Variants in TMEM132C observed in about 807,000 individuals in gnomAD.
TMEM132C encodes the protein protein phosphatase 1, regulatory subunit 152.
TMEM132C carries 29 observed loss-of-function variants against 61.4 expected under a neutral mutation model. The ratio of observed to expected loss-of-function variants is 0.47; its 90% CI spans 0.35 to 0.64. TMEM132C has a LOEUF of 0.64. TMEM132C is among the 30% of genes least tolerant of loss of function. The probability of loss-of-function intolerance (pLI) is 0.00; values close to 1 mark genes in which losing one functional copy is unlikely to be tolerated. For synonymous variants in TMEM132C, 656 were observed against 633.1 expected (o/e 1.04, Z -0.54); for missense variants, 1,408 against 1,476.9 (o/e 0.95, Z 0.76).
chr12:128,686,666 C>G lies in TMEM132C; in HGVS notation c.1450-7163C>G, dbSNP rs570494759. Among the ~76,000 whole-genome samples the G allele has an allele frequency of 4.5e-4, 69 of 152,304 alleles. No individual in the cohort carries two copies. The Middle Eastern group carries it at 0.01, about 23-fold the overall frequency. ...ACCAGTTTGCAAGCTCTGATTCATT[C>G]ATTCATTCTTCAACACGTACTTATT... On this transcript the variant is annotated intron_variant, in intron 5 of 8. Transcript: ENST00000435159.
At chr12:128,280,215 C>T (rs138766900) in intron 1 of TMEM132C, among the ~76,000 whole-genome samples, 13 of 152,300 alleles carry the variant, frequency 8.5e-5, no homozygotes, top group South Asian at 4.1e-4. Flanking sequence ...CTCCGTCAGT[C>T]GCTCCAGGGA....
At chr12:128,510,159 G>A (rs928417751) in intron 2 of TMEM132C, among the ~76,000 whole-genome samples, 1 of 152,104 alleles carries the variant, frequency 6.6e-6, no homozygotes, top group Non-Finnish European at 1.5e-5. Context: ...CGGGGACCTG[G>A]GTTTGCTTTC....
chr12:128,528,583 C>T (rs945908924), intron 2 of TMEM132C, among the ~76,000 whole-genome samples: 2 of 152,064 alleles, frequency 1.3e-5, no homozygotes, highest in South Asian at 2.1e-4. Context: ...CAGTACTGTC[C>T]GTATCTGGGG....
At position 128,595,709 on chromosome 12, in the gene TMEM132C, G is replaced by A. The variant is rs574805646; in HGVS notation, c.1122-20443G>A. On this transcript the variant is annotated intron_variant, in intron 3 of 8. Coordinates refer to ENST00000435159, the MANE Select transcript of TMEM132C (RefSeq NM_001136103.3). Reference sequence around the variant, plus strand: ...GCAGAGGGGTCAGCCAGCATCACCCGTGGCACTGACAAATGCAGCCCTTTT... The same window carrying A: ...GCAGAGGGGTCAGCCAGCATCACCCATGGCACTGACAAATGCAGCCCTTTT... Among the ~76,000 whole-genome samples the A allele has an allele frequency of 2.2e-4, 34 of 152,294 alleles. No individual in the cohort carries two copies. In the South Asian group the frequency reaches 4.4e-3, roughly 19 times the overall value.
At chr12:128,354,859 G>A (rs554130837) in intron 1 of TMEM132C, among the ~76,000 whole-genome samples, 1 of 152,264 alleles carries the variant, frequency 6.6e-6, no homozygotes, top group South Asian at 2.1e-4. Flanking sequence ...ATCACCCCCT[G>A]TTCCACAGAC....
chr12:128,462,153 T>G (rs528092582), intron 2 of TMEM132C, among the ~76,000 whole-genome samples: 3 of 152,320 alleles, frequency 2.0e-5, no homozygotes, highest in Admixed American at 6.5e-5. Flanking sequence ...TCACCCAGGC[T>G]GGAGTGCAGT....
chr12:128,432,891 C>T (rs1869440129), intron 2 of TMEM132C, among the ~76,000 whole-genome samples: 1 of 151,998 alleles, frequency 6.6e-6, no homozygotes, highest in South Asian at 2.1e-4. Context: ...TTCAGCAAGC[C>T]TCATTGTTGT....
chr12:128,593,512 G>C (rs149593183), intron 3 of TMEM132C, among the ~76,000 whole-genome samples: 1 of 152,210 alleles, frequency 6.6e-6, no homozygotes, highest in African/African-American at 2.4e-5. Context: ...TGGAGCTCAG[G>C]CTTTGACCTG....
At chr12:128,346,693 C>G (rs1873169283) in intron 1 of TMEM132C, among the ~76,000 whole-genome samples, 1 of 152,022 alleles carries the variant, frequency 6.6e-6, no homozygotes, top group South Asian at 2.1e-4. Flanking sequence ...TGATTTGGCT[C>G]TTGTCTTGAC....
At chr12:128,426,994 C>G (rs1359540436) in intron 2 of TMEM132C, among the ~76,000 whole-genome samples, 2 of 152,126 alleles carry the variant, frequency 1.3e-5, no homozygotes, top group Non-Finnish European at 2.9e-5. Context: ...CCCTTTCTAT[C>G]TAAAAATTTG....
At position 128,415,768 on chromosome 12, in the gene TMEM132C, C is replaced by T; in HGVS notation, c.974+148C>T. ...TAACAGGGGAAGGCAAATTATGCAC[C>T]TGCCCACATGCTCTCAACAGCCCTC... On this transcript the variant is annotated intron_variant, in intron 2 of 8. Coordinates refer to ENST00000435159, the MANE Select transcript of TMEM132C (RefSeq NM_001136103.3). This position sits in a 1 kb window ranked among gnomAD's most constrained non-coding sequence, Gnocchi z 5.8. 1 of 900,862 alleles carries T rather than the reference C, an allele frequency of 1.1e-6. No individual in the cohort carries two copies. Among genetic ancestry groups the T allele is most frequent in the Non-Finnish European group, 1.6e-6 (1 of 614,190 alleles). 55.8% of individuals were successfully genotyped at this position (900,862 alleles called of 1,614,324 possible). A position where few individuals can be genotyped will look rare whatever the true frequency, so the allele number is the denominator to read the frequency against.
At chr12:128,335,233 G>A (rs1872763359) in intron 1 of TMEM132C, among the ~76,000 whole-genome samples, 1 of 152,132 alleles carries the variant, frequency 6.6e-6, no homozygotes, top group Admixed American at 6.5e-5. Context: ...ATTGCGATAG[G>A]GGATAGATTT....
intron 1 of TMEM132C, among the ~76,000 whole-genome samples, chr12:128,282,704 A>C (rs1316676864): frequency 6.6e-6 from 1 of 152,230 alleles, no homozygotes; most frequent in African/African-American, 2.4e-5. Flanking sequence ...TGCACATTGC[A>C]GTTAGTTGTC....
intron 2 of TMEM132C, among the ~76,000 whole-genome samples, chr12:128,509,621 G>C (rs1872506908): frequency 2.6e-5 from 4 of 152,186 alleles, no homozygotes; most frequent in Admixed American, 1.3e-4. Flanking sequence ...TCCACAGGGA[G>C]CCCTCTGAGA....
intron 3 of TMEM132C, among the ~76,000 whole-genome samples, chr12:128,576,524 A>G (rs928863485): frequency 6.6e-6 from 1 of 152,206 alleles, no homozygotes; most frequent in Non-Finnish European, 1.5e-5. Context: ...TTTCCCTTGG[A>G]TCAGTAACTA....
chr12:128,474,488 A>G (rs1871090145), intron 2 of TMEM132C, among the ~76,000 whole-genome samples: 2 of 152,236 alleles, frequency 1.3e-5, no homozygotes, highest in African/African-American at 2.4e-5. Context: ...CAAATGCCAG[A>G]TGGGGCAGCT....
chr12:128,347,397 G>GTC (rs55729184), intron 1 of TMEM132C, among the ~76,000 whole-genome samples: 2,205 of 135,452 alleles, frequency 0.016, 24 homozygotes, highest in African/African-American at 0.034. Context: ...GCATATGTAT[G>GTC]TCTCTCTCTC....
chr12:128,500,957 T>A (rs6486693), intron 2 of TMEM132C, among the ~76,000 whole-genome samples: 1 of 151,926 alleles, frequency 6.6e-6, no homozygotes, highest in Non-Finnish European at 1.5e-5. Flanking sequence ...ACAGAAGAAT[T>A]GATAAGCCAA....
intron 4 of TMEM132C, among the ~76,000 whole-genome samples, chr12:128,647,765 G>A (rs944014200): frequency 4.0e-5 from 6 of 150,702 alleles, no homozygotes; most frequent in Non-Finnish European, 7.3e-5. Flanking sequence ...GGATGTGAGT[G>A]TGTTTACTGG....
Sources: gnomAD v4.1 joint callset for allele counts (sites outside exome capture counted in the v4.1 genomes callset) on GRCh38, gnomAD v4.1.1 for gene constraint, Gnocchi (gnomAD v3.1) non-coding constraint, MANE v1.5 for transcripts, NCBI Gene and HGNC (gene_info 2026-07-23, HGNC 2026-07-21) for gene names.